The following STK32B variants were observed in gnomAD, a reference collection of about 807,000 sequenced individuals.
The protein encoded by STK32B is serine/threonine kinase 32B, also known as serine/threonine-protein kinase 32B.
Under a neutral mutation model 52.6 loss-of-function variants are expected in STK32B, and 43 were observed. That is an observed-to-expected ratio of 0.82 (90% CI 0.64 to 1.05). The LOEUF (loss-of-function observed/expected upper bound fraction) is 1.05, where lower values mean the gene tolerates loss of function less well. Among genes scored for constraint, STK32B ranks in the 50% least tolerant of loss-of-function variants. The pLI is 0.00. For missense variants in STK32B, 621 were observed against 534.6 expected (o/e 1.16, Z -1.59); for synonymous variants, 238 against 204.3 (o/e 1.17, Z -1.41).
At chr4:5,304,370 C>T (rs1393827581) in intron 3 of STK32B, among the ~76,000 whole-genome samples, 1 of 150,698 alleles carries the variant, frequency 6.6e-6, no homozygotes, top group Non-Finnish European at 1.5e-5. Flanking sequence ...TTCTACTTTT[C>T]CTTGTAGAGG....
At chr4:5,384,804 A>AG (rs1354939052) in intron 4 of STK32B, among the ~76,000 whole-genome samples, 1 of 152,152 alleles carries the variant, frequency 6.6e-6, no homozygotes, top group African/African-American at 2.4e-5. Flanking sequence ...AGGAAACAGA[A>AG]GGAAGGGGCT....
chr4:5,479,123 GTT>G (rs5855856), intron 11 of STK32B, among the ~76,000 whole-genome samples: 16 of 139,388 alleles, frequency 1.1e-4, no homozygotes, highest in African/African-American at 3.1e-4. Flanking sequence ...TTTTGTTTTT[GTT>G]TTTTTTTTTT....
At chr4:5,208,045 T>C (rs1722685701) in intron 3 of STK32B, among the ~76,000 whole-genome samples, 1 of 152,136 alleles carries the variant, frequency 6.6e-6, no homozygotes, top group Non-Finnish European at 1.5e-5. Flanking sequence ...CCCCCAGTTT[T>C]CAATGGCTTA....
upstream of STK32B, among the ~76,000 whole-genome samples, chr4:5,048,121 GTT>G (rs544109916): frequency 7.0e-6 from 1 of 143,684 alleles, no homozygotes; most frequent in Admixed American, 7.0e-5. Flanking sequence ...ATAATTTTCT[GTT>G]TTTTTTTTTT....
At chr4:5,252,965 C>A (rs544610151) in intron 3 of STK32B, among the ~76,000 whole-genome samples, 1 of 152,128 alleles carries the variant, frequency 6.6e-6, no homozygotes, top group Admixed American at 6.6e-5. Flanking sequence ...TTCTATTTGT[C>A]TCTTCTAATC....
intron 6 of STK32B, among the ~76,000 whole-genome samples, chr4:5,425,941 G>A (rs910424599): frequency 6.6e-6 from 1 of 152,128 alleles, no homozygotes; most frequent in Admixed American, 6.5e-5. Context: ...TACTCATGAC[G>A]TGTGTATCAG....
intron 3 of STK32B, among the ~76,000 whole-genome samples, chr4:5,188,888 A>G (rs1335685570): frequency 6.6e-6 from 1 of 151,530 alleles, no homozygotes; most frequent in African/African-American, 2.4e-5. Context: ...GGGGAGGAAT[A>G]GCGTTAGGAG....
At chr4:5,176,548 A>C (rs915320729) in intron 3 of STK32B, among the ~76,000 whole-genome samples, 1 of 147,622 alleles carries the variant, frequency 6.8e-6, no homozygotes, top group African/African-American at 2.5e-5. Context: ...GGTTTAAGTG[A>C]TTCTCCTTCC....
chr4:5,371,466 G>A (rs1462826716), intron 4 of STK32B, among the ~76,000 whole-genome samples: 1 of 152,170 alleles, frequency 6.6e-6, no homozygotes, highest in East Asian at 1.9e-4. Context: ...TAGGAGAAAA[G>A]CAGGTTCAGG....
intron 2 of STK32B, among the ~76,000 whole-genome samples, chr4:5,150,920 G>A (rs905293791): frequency 6.6e-6 from 1 of 152,056 alleles, no homozygotes; most frequent in African/African-American, 2.4e-5. Flanking sequence ...TTCAATCCAC[G>A]ACAAAGTTAG....
At chr4:5,093,386 T>G (rs1560147496) in intron 1 of STK32B, among the ~76,000 whole-genome samples, 1 of 152,166 alleles carries the variant, frequency 6.6e-6, no homozygotes, top group Non-Finnish European at 1.5e-5. Context: ...ACTGTAAAAA[T>G]TTCATAGCCA....
At chr4:5,285,675 A>G (rs962901196) in intron 3 of STK32B, among the ~76,000 whole-genome samples, 1 of 152,336 alleles carries the variant, frequency 6.6e-6, no homozygotes, top group Middle Eastern at 3.4e-3. Flanking sequence ...GGAAAGGAAC[A>G]AATCTAATAT....
chr4:5,431,401 G>A (rs74677337), intron 6 of STK32B, among the ~76,000 whole-genome samples: 204 of 152,236 alleles, frequency 1.3e-3, no homozygotes, highest in African/African-American at 4.8e-3. Flanking sequence ...CATCCCATAC[G>A]CTATTTAGAA....
chr4:5,367,948 G>A (rs1281472386), intron 4 of STK32B, among the ~76,000 whole-genome samples: 2 of 152,092 alleles, frequency 1.3e-5, no homozygotes, highest in African/African-American at 4.8e-5. Flanking sequence ...GGTGGGGAGG[G>A]GGCTTCACTG....
At chr4:5,340,256 T>C (rs1424397712) in intron 4 of STK32B, among the ~76,000 whole-genome samples, 1 of 152,170 alleles carries the variant, frequency 6.6e-6, no homozygotes, top group East Asian at 1.9e-4. Flanking sequence ...GACAGAGCAC[T>C]ACACAGCACC....
intron 11 of STK32B, among the ~76,000 whole-genome samples, chr4:5,476,400 A>G (rs1194121863): frequency 2.6e-5 from 4 of 152,202 alleles, no homozygotes; most frequent in Non-Finnish European, 5.9e-5. Flanking sequence ...ACAATATCCA[A>G]GTGAAGTAAA....
At position 5,230,536 on chromosome 4, in the gene STK32B, A is replaced by T. The variant is rs1485747534; in HGVS notation, c.260+62086A>T. ...TTGTCCTATGTCATGTGGCCTGTGG[A>T]GAACTCCACTCTATACTCACGAGAG... On this transcript the variant is annotated intron_variant, in intron 3 of 11. Coordinates refer to ENST00000282908, the MANE Select transcript of STK32B (RefSeq NM_018401.3). 2.6e-5 allele frequency among the ~76,000 whole-genome samples: 4 copies of T among 152,120 alleles called. No individual in the cohort carries two copies. In the East Asian group the frequency reaches 7.7e-4, roughly 29 times the overall value.
Position 5,183,997 on chromosome 4 carries a change from C to T in STK32B, c.260+15547C>T, listed in dbSNP as rs78079036. Among the ~76,000 whole-genome samples the T allele has an allele frequency of 2.1e-3, 322 of 152,274 alleles. 6 individuals carry two copies. In the East Asian group the frequency reaches 0.051, roughly 24 times the overall value. On this transcript the variant is annotated intron_variant, in intron 3 of 11. Transcript: ENST00000282908. The stretch of plus-strand genomic sequence containing the variant: ...ACCACTCAAACTTTCTCCGTATCAG[C>T]AGTTAGGCAGTTTCTCTTCTTTATC...
chr4:5,317,006 A>T lies in STK32B; in HGVS notation c.261-14214A>T, dbSNP rs1336714718. 4.7e-4 allele frequency among the ~76,000 whole-genome samples: 10 copies of T among 21,380 alleles called. No individual in the cohort carries two copies. The East Asian group carries it at 0.011, about 24-fold the overall frequency. The allele number at this position is 21,380 out of a possible 152,430, so 14.0% of individuals were successfully genotyped here. A position where few individuals can be genotyped will look rare whatever the true frequency, so the allele number is the denominator to read the frequency against. ...TATAATATATATGATATAATATATA[A>T]TATATATAATATATAATATATATGA... On this transcript the variant is annotated intron_variant, in intron 3 of 11. Transcript: ENST00000282908.
Sources: allele counts gnomAD v4.1 joint callset (sites outside exome capture counted in the v4.1 genomes callset), GRCh38; gene constraint gnomAD v4.1.1; transcripts MANE v1.5; gene names NCBI Gene and HGNC (gene_info 2026-07-23, HGNC 2026-07-21).